Variants in KCNK2 observed in about 807,000 individuals in gnomAD.
KCNK2 encodes potassium channel subfamily K member 2.
A neutral mutation model predicts 40.5 loss-of-function variants in KCNK2; 21 were observed. The ratio of observed to expected loss-of-function variants is 0.52; its 90% CI spans 0.37 to 0.75. KCNK2 has a LOEUF of 0.75. KCNK2 is among the 30% of genes least tolerant of loss of function. The pLI, the probability that KCNK2 is intolerant of heterozygous loss-of-function variation, is 0.00. For synonymous variants in KCNK2, 191 were observed against 202.2 expected (o/e 0.94, Z 0.47); for missense variants, 399 against 531.6 (o/e 0.75, Z 2.45).
At chr1:215,158,405 G>A (rs1663025072) in intron 3 of KCNK2, among the ~76,000 whole-genome samples, 1 of 152,022 alleles carries the variant, frequency 6.6e-6, no homozygotes, top group African/African-American at 2.4e-5. Flanking sequence ...CGGCCTCCAG[G>A]GTAAATCTGA....
At chr1:215,037,395 A>T (rs1403002106) in intron 1 of KCNK2, among the ~76,000 whole-genome samples, 1 of 151,922 alleles carries the variant, frequency 6.6e-6, no homozygotes, top group Non-Finnish European at 1.5e-5. Context: ...GGTTGTGATG[A>T]ATTGACTTTA....
intron 1 of KCNK2, among the ~76,000 whole-genome samples, chr1:215,085,222 G>A (rs955216692): frequency 6.6e-6 from 1 of 152,098 alleles, no homozygotes; most frequent in Admixed American, 6.5e-5. Flanking sequence ...ACGATAGCAA[G>A]TTTACTGAAA....
At chr1:215,067,131 T>G (rs924377865) in intron 1 of KCNK2, among the ~76,000 whole-genome samples, 1 of 152,194 alleles carries the variant, frequency 6.6e-6, no homozygotes, top group Non-Finnish European at 1.5e-5. Context: ...GGAGGAAATC[T>G]ATCTAAAGCA....
intron 1 of KCNK2, among the ~76,000 whole-genome samples, chr1:215,021,926 A>G (rs1205889489): frequency 6.6e-6 from 1 of 152,056 alleles, no homozygotes; most frequent in Admixed American, 6.5e-5. Context: ...TACCAGCAGT[A>G]CTCAGTTTCT....
chr1:215,122,391 A>G (rs566160200), intron 2 of KCNK2, among the ~76,000 whole-genome samples: 14 of 152,302 alleles, frequency 9.2e-5, no homozygotes, highest in African/African-American at 3.1e-4. Flanking sequence ...AACATTTAAA[A>G]GAAAGATAAT....
intron 1 of KCNK2, among the ~76,000 whole-genome samples, chr1:215,070,415 TAAAA>T (rs536258219): frequency 1.3e-4 from 12 of 93,572 alleles, no homozygotes; most frequent in Middle Eastern, 8.1e-3. Context: ...GACCCCGTCT[TAAAA>T]AAAAAAAAAA....
In KCNK2 at chr1:215,120,053, T is replaced by A. The variant is rs148677959; in HGVS notation, c.358-4580T>A. Among the ~76,000 whole-genome samples the A allele has an allele frequency of 3.1e-3, 472 of 152,302 alleles. 5 individuals are homozygous for A. The highest frequency in any genetic ancestry group is 0.011 in the African/African-American group (454 of 41,590). On this transcript the variant is annotated intron_variant, in intron 2 of 6. Transcript: ENST00000444842. ...CCTCATGGTAGACTCATTCTCATAG[T>A]GATTTGACATACCCTCAGCTCTATC...
intron 1 of KCNK2, among the ~76,000 whole-genome samples, chr1:215,075,096 A>G (rs1170260882): frequency 1.3e-5 from 2 of 152,196 alleles, no homozygotes; most frequent in Non-Finnish European, 2.9e-5. Context: ...TATGCAAAAC[A>G]TGGGTGTTTT....
chr1:215,081,358 G>A (rs930782870), upstream of KCNK2, among the ~76,000 whole-genome samples: 12 of 152,160 alleles, frequency 7.9e-5, no homozygotes, highest in African/African-American at 2.9e-4. Flanking sequence ...GTGACCTAGA[G>A]ACTTTGTAAG....
rs747823400 is a variant in KCNK2 at position 215,194,996 on chromosome 1, G to A, written c.867G>A (p.Val289=). 5 of 1,613,530 alleles carry A rather than the reference G, an allele frequency of 3.1e-6. No individual in the cohort carries two copies. The highest frequency in any genetic ancestry group is 1.3e-5 in the African/African-American group (1 of 75,012). ...IEYLDFYKPV[V]WFWILVGLAY... ...ATCTGGACTTCTATAAGCCTGTCGT[G>A]TGGTTCTGGATCCTTGTAGGGCTTG... Residue 289 remains valine, a synonymous_variant, in exon 6 of 7, where the codon GTG becomes GTA. Coordinates refer to ENST00000444842, the MANE Select transcript of KCNK2 (RefSeq NM_001017425.3).
chr1:215,149,904 A>G (rs1269517586), intron 3 of KCNK2, among the ~76,000 whole-genome samples: 12 of 152,228 alleles, frequency 7.9e-5, no homozygotes. Flanking sequence ...AGTAGAATGA[A>G]GAGAGGGCTA....
At chr1:215,104,718 C>T (rs951316821) in intron 2 of KCNK2, among the ~76,000 whole-genome samples, 1 of 151,978 alleles carries the variant, frequency 6.6e-6, no homozygotes, top group African/African-American at 2.4e-5. Context: ...AAATACAAAA[C>T]ATGTTAGTAA....
intron 6 of KCNK2, among the ~76,000 whole-genome samples, chr1:215,204,291 A>G (rs1336170686): frequency 6.6e-6 from 1 of 151,588 alleles, no homozygotes; most frequent in Non-Finnish European, 1.5e-5. Context: ...TTTAAATTTT[A>G]GGTTGAATTC....
intron 3 of KCNK2, among the ~76,000 whole-genome samples, chr1:215,142,539 G>T (rs1195571847): frequency 2.0e-5 from 3 of 152,078 alleles, no homozygotes; most frequent in Non-Finnish European, 4.4e-5. Flanking sequence ...GAGTCTAAAA[G>T]GTGATCTTTC....
chr1:215,221,719 A>G (rs1666186035), intron 6 of KCNK2, among the ~76,000 whole-genome samples: 1 of 152,192 alleles, frequency 6.6e-6, no homozygotes, highest in African/African-American at 2.4e-5. Flanking sequence ...AAGTAGACCC[A>G]CACAGTTCAA....
intron 2 of KCNK2, among the ~76,000 whole-genome samples, chr1:215,091,573 G>A (rs1353911624): frequency 6.6e-6 from 1 of 152,134 alleles, no homozygotes; most frequent in Non-Finnish European, 1.5e-5. Flanking sequence ...ATTGTCCTAA[G>A]TGCTGAAAGA....
At chr1:215,209,497 A>AATATATATT (rs1665529129) in intron 6 of KCNK2, among the ~76,000 whole-genome samples, 2 of 1,316 alleles carry the variant, frequency 1.5e-3, no homozygotes, top group African/African-American at 1.8e-3. Context: ...ACATATATAT[A>AATATATATT]ATATATAATA....
chr1:215,007,105 A>G (rs1257813724), intron 1 of KCNK2, among the ~76,000 whole-genome samples: 2 of 132,128 alleles, frequency 1.5e-5, no homozygotes, highest in East Asian at 4.1e-4. Context: ...ATATGTATAT[A>G]TATGTGTGTA....
intron 6 of KCNK2, among the ~76,000 whole-genome samples, chr1:215,209,424 T>A (rs28458887): frequency 0.56 from 30,312 of 54,488 alleles, 9,643 homozygotes; most frequent in East Asian, 0.72. Flanking sequence ...TTATATATAA[T>A]ATATATAATA....
Sources: allele counts gnomAD v4.1 joint callset (sites outside exome capture counted in the v4.1 genomes callset), GRCh38; gene constraint gnomAD v4.1.1; transcripts MANE v1.5; gene names NCBI Gene and HGNC (gene_info 2026-07-23, HGNC 2026-07-21).